Variants in A1BG observed in about 807,000 individuals in gnomAD.
A1BG encodes alpha-1B-glycoprotein.
A1BG carries 44 observed loss-of-function variants against 46.0 expected under a neutral mutation model. The ratio of observed to expected loss-of-function variants is 0.96; its 90% CI spans 0.75 to 1.23. The LOEUF is 1.23. Ranked by LOEUF, A1BG falls within the 50% of genes most tolerant of loss-of-function variation. The pLI, the probability that A1BG is intolerant of heterozygous loss-of-function variation, is 0.00. For missense variants in A1BG, 707 were observed against 688.8 expected, an observed-to-expected ratio of 1.03 and a Z score of -0.30; for synonymous variants, 316 against 314.7, an observed-to-expected ratio of 1.00 and a Z score of -0.04.
In A1BG at chr19:58,351,411, A is replaced by C. The variant is rs773705977; in HGVS notation, c.890T>G (p.Val297Gly). 11 of 1,611,728 alleles carry C rather than the reference A, an allele frequency of 6.8e-6. No homozygotes were observed. The highest frequency in any genetic ancestry group is 1.7e-6 in the Non-Finnish European group (2 of 1,179,980). ...CTCACCATCGCTCAGAATCAGCTCG[A>C]CCGGCGCGCTGTCCCCGGACCAGCC... Reference protein sequence around the residue: ...QNGWSGDSAPVELILSDETLP... With the variant: ...QNGWSGDSAPGELILSDETLP... The change falls in exon 5 of 8, where the codon GTC becomes GGC. Residue 297 changes from valine to glycine, a missense_variant. Val to Gly is a moderately radical substitution (Grantham distance 109). Transcript: ENST00000263100.
rs1377576625 is a variant in A1BG at position 58,346,986 on chromosome 19, T to C, written c.*36A>G. The C allele has an allele frequency of 1.2e-6, 2 of 1,613,860 alleles. No homozygotes were observed. The highest frequency in any genetic ancestry group is 3.3e-5 in the Admixed American group (2 of 60,016). On this transcript the variant is annotated 3_prime_UTR_variant, in exon 8 of 8. Transcript: ENST00000263100. Reference sequence around the variant, plus strand: ...GCCAGTCCAGAATCCCCGGCACTTCTGAGGACACCAACAGCACCCTGGGCC... The same window carrying C: ...GCCAGTCCAGAATCCCCGGCACTTCCGAGGACACCAACAGCACCCTGGGCC...
chr19:58,347,784 G>T (rs978395203), intron 6 of A1BG, 144 bp from the exon 7 acceptor site: 6 of 474,798 alleles, frequency 1.3e-5, no homozygotes, highest in African/African-American at 1.2e-4. Flanking sequence ...GGCGCAGAGG[G>T]CTCCTCCGGC....
At chr19:58,351,795 CTTTTT>C (rs11452992) in intron 4 of A1BG, 108 bp from the exon 5 acceptor site, 31 of 761,012 alleles carry the variant, frequency 4.1e-5, no homozygotes, top group Admixed American at 2.0e-4. Flanking sequence ...CCCTTCCATT[CTTTTT>C]TTTTTTTTTT....
rs767724765 is a variant in A1BG, at chr19:58,350,527, G to C, written c.1035C>G (p.Arg345=). ...CAGCGGGGCTCTGGAAACGGTGCACGCGGCGCCCGCCCCTGTCCTCGCGCA... is the reference window on the plus strand; with the variant it reads ...CAGCGGGGCTCTGGAAACGGTGCACCCGGCGCCCGCCCCTGTCCTCGCGCA... The part of the protein sequence containing the change: ...ALVREDRGGR[R]VHRFQSPAGT... The change falls in exon 6 of 8, where the codon CGC becomes CGG. Residue 345 remains arginine (R), a synonymous_variant. Coordinates refer to ENST00000263100, the MANE Select transcript of A1BG (RefSeq NM_130786.4). 3.2e-6 allele frequency: 5 copies of C among 1,550,666 alleles called. No individual in the cohort carries two copies. In the East Asian group the frequency reaches 7.3e-5, roughly 23 times the overall value.
At chr19:58,352,720 G>GAA (rs2051973326) in intron 3 of A1BG, 165 bp from the exon 4 acceptor site, 2 of 1,172,280 alleles carry the variant, frequency 1.7e-6, no homozygotes, top group Non-Finnish European at 1.2e-6. Context: ...TACGGCAAGA[G>GAA]AAAAAGAGTG....
chr19:58,353,471 T>C lies in A1BG; in HGVS notation c.-34A>G, dbSNP rs750649323. 7.5e-6 allele frequency: 12 copies of C among 1,591,030 alleles called. No individual in the cohort carries two copies. The highest frequency in any genetic ancestry group is 1.0e-5 in the Non-Finnish European group (12 of 1,168,680). On this transcript the variant is annotated 5_prime_UTR_variant, in exon 1 of 8. Transcript: ENST00000263100. Reference sequence around the variant, plus strand: ...CGCTCACTCCGGTGCAGTGAGTGTCTGGGGTGAGCGTCTGCAGCAATGAGG... The same window carrying C: ...CGCTCACTCCGGTGCAGTGAGTGTCCGGGGTGAGCGTCTGCAGCAATGAGG...
rs759732726 is a variant in A1BG, at chr19:58,352,919, C to T, written c.340+9G>A. On this transcript the variant is annotated intron_variant, in intron 3 of 7. Transcript: ENST00000263100. ...TGCCTCCTGGCCCCCAATTCATGCC[C>T]CGGCTCACTTGGCCCTGTCAGCTCC... 7 of 1,607,350 alleles carry T rather than the reference C, an allele frequency of 4.4e-6. No homozygotes were observed. Among genetic ancestry groups the T allele is most frequent in the Admixed American group, 1.7e-5 (1 of 59,748 alleles).
chr19:58,351,857 C>T (rs951642817), intron 4 of A1BG, 170 bp from the exon 5 acceptor site: 19 of 739,714 alleles, frequency 2.6e-5, no homozygotes, highest in Admixed American at 9.3e-5. Flanking sequence ...AGTGCAGTGG[C>T]GCCACTCAGC....
intron 4 of A1BG, 29 bp downstream of exon 4, chr19:58,352,254 C>A: frequency 6.2e-7 from 1 of 1,607,440 alleles, no homozygotes; most frequent in Non-Finnish European, 8.5e-7. Flanking sequence ...CCTCCCCCAG[C>A]AGCCCCCAGA....
At position 58,347,435 on chromosome 19, in the gene A1BG, G is replaced by T; in HGVS notation, c.1398C>A (p.Gly466=). 1 of 1,609,622 alleles carries T rather than the reference G, an allele frequency of 6.2e-7. No individual in the cohort carries two copies. The highest frequency in any genetic ancestry group is 1.1e-5 in the South Asian group (1 of 90,992). ...ELIFVGPQHA[G]NYRCRYRSWV... is the part of the protein sequence containing the mutation. ...AGGAGCGGTAGCGGCACCTGTAGTT[G>T]CCGGCGTGCTGGGGCCCCACGAAGA... is the stretch of plus-strand genomic sequence containing the variant. The change falls in exon 7 of 8, where the codon GGC becomes GGA. Residue 466 remains glycine (G), a synonymous_variant. Transcript: ENST00000263100.
chr19:58,350,292 A>C, intron 6 of A1BG, 78 bp downstream of exon 6: 9 of 1,450,468 alleles, frequency 6.2e-6, no homozygotes, highest in Non-Finnish European at 7.3e-6. Flanking sequence ...TCGGACGCCC[A>C]AGGAAAGAGG....
intron 5 of A1BG, 172 bp from the exon 6 acceptor site, chr19:58,350,823 T>G (rs1176675592): frequency 3.6e-6 from 2 of 556,688 alleles, no homozygotes; most frequent in Non-Finnish European, 5.7e-6. Context: ...AGTCCTTGGA[T>G]ATCTCACACG....
intron 6 of A1BG, 26 bp downstream of exon 6, chr19:58,350,344 C>T: frequency 1.3e-6 from 2 of 1,524,328 alleles, no homozygotes; most frequent in Non-Finnish European, 8.8e-7. Flanking sequence ...CCCGCGCCCG[C>T]CCTCGCTGGT....
rs2148000527 is a variant in A1BG, at chr19:58,351,380, C to G, written c.910+11G>C. 1 of 1,606,632 alleles carries G rather than the reference C, an allele frequency of 6.2e-7. No homozygotes were observed. On this transcript the variant is annotated intron_variant, in intron 5 of 7. Transcript: ENST00000263100. ...CCAGCCGCGTCCCTGTCCCTGCTGGCCCCGGCTCACCATCGCTCAGAATCA... is the reference window on the plus strand; with the variant it reads ...CCAGCCGCGTCCCTGTCCCTGCTGGGCCCGGCTCACCATCGCTCAGAATCA...
chr19:58,353,299 TGCTTCTG>T lies in A1BG; in HGVS notation c.56_62del (p.Thr19LysfsTer19), dbSNP rs2051983595. On this transcript the variant is annotated frameshift_variant, in exon 2 of 8. Transcript: ENST00000263100. LOFTEE classifies it high-confidence loss of function. Reference sequence around the variant, plus strand: ...CCTCACCCCTGCACTCACATATGGCTGCTTCTGTCACTGGGCCCCAGGTGACACCTGC... The same window carrying T: ...CCTCACCCCTGCACTCACATATGGCTTCACTGGGCCCCAGGTGACACCTGC... The T allele has an allele frequency of 1.2e-6, 2 of 1,613,482 alleles. No individual in the cohort carries two copies. Among genetic ancestry groups the T allele is most frequent in the Non-Finnish European group, 1.7e-6 (2 of 1,179,842 alleles).
At chr19:58,349,609 C>T (rs1456665750) in intron 6 of A1BG, 1 of 150,844 alleles carries the variant, frequency 6.6e-6, no homozygotes, top group African/African-American at 2.4e-5. Context: ...TGAGACTGCA[C>T]CACTGCACTC....
Position 58,353,276 on chromosome 19 carries a change from TCA to T in A1BG, c.70+14_70+15del, listed in dbSNP as rs763341828. The T allele has an allele frequency of 5.0e-6, 8 of 1,613,310 alleles. No homozygotes were observed. The Admixed American group carries it at 1.2e-4, about 24-fold the overall frequency. On this transcript the variant is annotated intron_variant, in intron 2 of 7. Transcript: ENST00000263100. Reference sequence around the variant, plus strand: ...GGCCTGGGCCCACCATTCCCAGACCTCACCCCTGCACTCACATATGGCTGCTT... The same window carrying T: ...GGCCTGGGCCCACCATTCCCAGACCTCCCCTGCACTCACATATGGCTGCTT...
intron 6 of A1BG, 72 bp from the exon 7 acceptor site, chr19:58,347,712 A>T (rs62116376): frequency 2.6e-6 from 1 of 377,614 alleles, no homozygotes; most frequent in Non-Finnish European, 3.9e-6. Flanking sequence ...CCCAGGCCAC[A>T]CCCCAGGCCG....
At chr19:58,352,775 T>G in intron 3 of A1BG, 153 bp downstream of exon 3, 1 of 1,256,086 alleles carries the variant, frequency 8.0e-7, no homozygotes, top group Non-Finnish European at 1.1e-6. Context: ...GACACAACCA[T>G]GTATTCCTTA....
Sources: allele counts gnomAD v4.1 joint callset, GRCh38; gene constraint gnomAD v4.1.1; transcripts MANE v1.5; gene names NCBI Gene and HGNC (gene_info 2026-07-23, HGNC 2026-07-21).